The following NMNAT2 variants were observed in gnomAD, a reference collection of about 807,000 sequenced individuals.
NMNAT2 encodes the protein nicotinamide nucleotide adenylyltransferase 2, also known as nicotinamide/nicotinic acid mononucleotide adenylyltransferase 2.
In NMNAT2, 11 loss-of-function variants were observed where a neutral mutation model predicts 41.6. The ratio of observed to expected loss-of-function variants is 0.26; its 90% CI spans 0.17 to 0.44. The LOEUF is 0.44. NMNAT2 is among the 20% of genes least tolerant of loss of function. The pLI is 1.00. For missense variants in NMNAT2, 288 were observed against 407.7 expected (o/e 0.71, Z 2.53); for synonymous variants, 148 against 151.2 (o/e 0.98, Z 0.16).
rs867122965 is a variant in NMNAT2, at chr1:183,389,756, G to A, written c.85+28427C>T. Among the ~76,000 whole-genome samples the A allele has an allele frequency of 1.1e-4, 3 of 26,808 alleles. No homozygotes were observed. In the East Asian group the frequency reaches 7.1e-3, roughly 64 times the overall value. The allele number at this position is 26,808 out of a possible 152,430, so 17.6% of individuals were successfully genotyped here. On this transcript the variant is annotated intron_variant, in intron 1 of 10. Transcript: ENST00000287713. The stretch of plus-strand genomic sequence containing the variant: ...GTCAAAAAAGAAAGAAAGAAAGAAA[G>A]AAAGAAAGAAAGAAAGAAAGAAAGA...
intron 1 of NMNAT2, among the ~76,000 whole-genome samples, chr1:183,382,165 A>C (rs1414836797): frequency 6.6e-6 from 1 of 152,236 alleles, no homozygotes; most frequent in East Asian, 1.9e-4. Flanking sequence ...AAGCAGGCTC[A>C]TCTTACATGG....
intron 1 of NMNAT2, among the ~76,000 whole-genome samples, chr1:183,298,636 G>C (rs943524065): frequency 1.3e-5 from 2 of 152,146 alleles, no homozygotes; most frequent in African/African-American, 4.8e-5. Context: ...CTGTATCTAT[G>C]TTGCCTCTGT....
At chr1:183,258,836 G>A (rs1660587001) in intron 10 of NMNAT2, among the ~76,000 whole-genome samples, 1 of 152,068 alleles carries the variant, frequency 6.6e-6, no homozygotes, top group African/African-American at 2.4e-5. Flanking sequence ...TCGACTCCCT[G>A]TGATTTCATC....
intron 10 of NMNAT2, among the ~76,000 whole-genome samples, chr1:183,254,535 T>G (rs1660470943): frequency 6.6e-6 from 1 of 152,116 alleles, no homozygotes; most frequent in Non-Finnish European, 1.5e-5. Flanking sequence ...ACTCCTGGGC[T>G]CAAGCAATCC....
Position 183,252,692 on chromosome 1 carries a change from C to T in NMNAT2, c.873G>A (p.Pro291=), listed in dbSNP as rs776942114. Residue 291 remains proline, a synonymous_variant, in exon 11 of 11, where the codon CCG becomes CCA. Transcript: ENST00000287713. ...DGHVVDYLSQ[P]VIDYILKSQL... ...GGCTTTTGAGGATGTAGTCGATGAC[C>T]GGCTGGGACAGGTAATCCACAACAT... The T allele has an allele frequency of 1.9e-6, 3 of 1,614,076 alleles. No individual in the cohort carries two copies. The highest frequency in any genetic ancestry group is 2.5e-6 in the Non-Finnish European group (3 of 1,179,992).
intron 1 of NMNAT2, among the ~76,000 whole-genome samples, chr1:183,352,762 C>T (rs1663092012): frequency 6.6e-6 from 1 of 152,146 alleles, no homozygotes; most frequent in African/African-American, 2.4e-5. Flanking sequence ...GTGATCACAT[C>T]AAGGCCCTGC....
intron 1 of NMNAT2, among the ~76,000 whole-genome samples, chr1:183,336,339 A>G (rs1398056740): frequency 6.6e-6 from 1 of 152,246 alleles, no homozygotes; most frequent in Admixed American, 6.5e-5. Context: ...GTGTCATTAG[A>G]AATCAAATAA....
intron 1 of NMNAT2, among the ~76,000 whole-genome samples, chr1:183,368,436 C>A (rs185033014): frequency 3.0e-4 from 45 of 152,258 alleles, no homozygotes; most frequent in African/African-American, 1.1e-3. Context: ...CTCTTTTGAG[C>A]TCCTGAGGCC....
chr1:183,256,999 G>A (rs1660530718), intron 10 of NMNAT2, among the ~76,000 whole-genome samples: 1 of 152,040 alleles, frequency 6.6e-6, no homozygotes, highest in Non-Finnish European at 1.5e-5. Flanking sequence ...TGATCGATCT[G>A]CCTTGGCCTC....
Position 183,248,530 on chromosome 1 carries a change from G to A in NMNAT2, c.*4111C>T, listed in dbSNP as rs1224412778. 1 of 152,348 alleles carries A rather than the reference G, an allele frequency of 6.6e-6. No homozygotes were observed. Among genetic ancestry groups the A allele is most frequent in the African/African-American group, 2.4e-5 (1 of 41,406 alleles). The allele number at this position is 152,348 out of a possible 1,614,324, so 9.4% of individuals were successfully genotyped here. A position where few individuals can be genotyped will look rare whatever the true frequency, so the allele number is the denominator to read the frequency against. On this transcript the variant is annotated 3_prime_UTR_variant, in exon 11 of 11. Transcript: ENST00000287713. ...GCCCTGGGACTAGACTAAGGTTGAG[G>A]GAAAGAGCCGTTAACTCATTCCTAA...
At chr1:183,409,553 G>A (rs1246707705) in intron 1 of NMNAT2, among the ~76,000 whole-genome samples, 1 of 152,128 alleles carries the variant, frequency 6.6e-6, no homozygotes, top group Non-Finnish European at 1.5e-5. Context: ...TTGGCCTCAA[G>A]TGATCCTCCC....
intron 1 of NMNAT2, among the ~76,000 whole-genome samples, chr1:183,372,075 C>A (rs951544779): frequency 1.6e-4 from 25 of 152,314 alleles, no homozygotes; most frequent in Non-Finnish European, 1.8e-4. Context: ...GCCCCTGTAC[C>A]CAGCCATATC....
intron 8 of NMNAT2, among the ~76,000 whole-genome samples, chr1:183,275,668 C>T (rs1045521469): frequency 1.1e-3 from 8 of 7,416 alleles, no homozygotes; most frequent in Non-Finnish European, 0.018. Context: ...TGAGCATTTC[C>T]GTATTTTATT....
At chr1:183,399,651 C>A (rs1648755485) in intron 1 of NMNAT2, among the ~76,000 whole-genome samples, 1 of 152,104 alleles carries the variant, frequency 6.6e-6, no homozygotes, top group Admixed American at 6.6e-5. Flanking sequence ...AACATCGATG[C>A]AAAAATCCTC....
chr1:183,405,754 C>A (rs1648939312), intron 1 of NMNAT2, among the ~76,000 whole-genome samples: 1 of 152,166 alleles, frequency 6.6e-6, no homozygotes, highest in African/African-American at 2.4e-5. Context: ...AAATAACAGC[C>A]CTTTCAGTGA....
At chr1:183,258,175 G>GT (rs1660567670) in intron 10 of NMNAT2, among the ~76,000 whole-genome samples, 1 of 152,134 alleles carries the variant, frequency 6.6e-6, no homozygotes, top group African/African-American at 2.4e-5. Flanking sequence ...CTTCTGCACA[G>GT]TTTTTTTCCA....
chr1:183,368,850 G>A (rs1663469394), intron 1 of NMNAT2, among the ~76,000 whole-genome samples: 1 of 152,198 alleles, frequency 6.6e-6, no homozygotes, highest in Non-Finnish European at 1.5e-5. Flanking sequence ...ACACATCAGA[G>A]CCGGCAACTC....
At chr1:183,359,087 T>G (rs1663254388) in intron 1 of NMNAT2, among the ~76,000 whole-genome samples, 1 of 152,166 alleles carries the variant, frequency 6.6e-6, no homozygotes, top group Non-Finnish European at 1.5e-5. Flanking sequence ...ACTTTTTTTT[T>G]TTAAAGTGTG....
At chr1:183,254,394 G>C (rs1244092976) in intron 10 of NMNAT2, among the ~76,000 whole-genome samples, 1 of 151,978 alleles carries the variant, frequency 6.6e-6, no homozygotes, top group Non-Finnish European at 1.5e-5. Context: ...TCTCTGGAGA[G>C]ATGTCTACTC....
Sources: allele counts gnomAD v4.1 joint callset (sites outside exome capture counted in the v4.1 genomes callset), GRCh38; gene constraint gnomAD v4.1.1; transcripts MANE v1.5; gene names NCBI Gene and HGNC (gene_info 2026-07-23, HGNC 2026-07-21).